The following NCKAP5 variants were observed in gnomAD, a reference collection of about 807,000 sequenced individuals.
NCKAP5 encodes the protein nck-associated protein 5.
NCKAP5 carries 92 observed loss-of-function variants against 167.0 expected under a neutral mutation model. That is an observed-to-expected ratio of 0.55 (90% CI 0.47 to 0.66). The LOEUF (loss-of-function observed/expected upper bound fraction) is 0.66. NCKAP5 is among the 30% of genes least tolerant of loss of function. NCKAP5 has a pLI of 0.00. For synonymous variants in NCKAP5, 891 were observed against 877.4 expected (o/e 1.02, Z -0.27); for missense variants, 2,378 against 2,315.0 (o/e 1.03, Z -0.56).
Position 133,156,801 on chromosome 2 carries a change from G to A in NCKAP5, c.208-26690C>T, listed in dbSNP as rs76207330. 1.1e-3 allele frequency among the ~76,000 whole-genome samples: 161 copies of A among 152,146 alleles called. 1 individual carries two copies. Among genetic ancestry groups the A allele is most frequent in the African/African-American group, 3.8e-3 (158 of 41,516 alleles). On this transcript the variant is annotated intron_variant, in intron 5 of 19. Coordinates refer to ENST00000409261, the MANE Select transcript of NCKAP5 (RefSeq NM_207363.3). ...TCTTATATCTTAAATCTCTGATCAT[G>A]ACTTTGTCTCTATTTAACAGCTTCT...
At chr2:133,418,074 C>A (rs1168225899) in intron 3 of NCKAP5, among the ~76,000 whole-genome samples, 4 of 152,210 alleles carry the variant, frequency 2.6e-5, no homozygotes, top group Non-Finnish European at 5.9e-5. Flanking sequence ...TTGAGACCCA[C>A]TTCACTTAAA....
intron 6 of NCKAP5, among the ~76,000 whole-genome samples, chr2:133,045,601 A>G (rs1462541647): frequency 2.6e-5 from 4 of 152,186 alleles, no homozygotes; most frequent in Non-Finnish European, 5.9e-5. Context: ...GGGATGCCTG[A>G]AATAGTGAAT....
intron 3 of NCKAP5, among the ~76,000 whole-genome samples, chr2:133,320,278 T>C (rs1681936647): frequency 6.6e-6 from 1 of 152,198 alleles, no homozygotes; most frequent in Admixed American, 6.5e-5. Context: ...GCTCAGTCCC[T>C]TCCTGCCCCA....
At chr2:133,471,945 A>G (rs952550637) in intron 3 of NCKAP5, among the ~76,000 whole-genome samples, 1 of 152,112 alleles carries the variant, frequency 6.6e-6, no homozygotes, top group East Asian at 1.9e-4. Context: ...ACTTTTATTT[A>G]TTTTTCTTTT....
At chr2:132,954,556 G>A in intron 8 of NCKAP5, 3 of 428,586 alleles carry the variant, frequency 7.0e-6, no homozygotes, top group South Asian at 5.1e-5. Flanking sequence ...CAACAGTGAG[G>A]ATTAAATAAA....
chr2:133,629,658 T>C, the NCKAP5 span, among the ~76,000 whole-genome samples: 1 of 152,188 alleles, frequency 6.6e-6, no homozygotes, highest in Non-Finnish European at 1.5e-5. Context: ...TAAATCATTG[T>C]ATCACAAAGA....
chr2:133,156,425 T>C (rs545162069), intron 5 of NCKAP5, among the ~76,000 whole-genome samples: 2 of 152,300 alleles, frequency 1.3e-5, no homozygotes, highest in South Asian at 4.1e-4. Flanking sequence ...TAACACAGCA[T>C]GTTCCAGGCA....
At chr2:133,652,377 A>G in the NCKAP5 span, among the ~76,000 whole-genome samples, 1 of 152,232 alleles carries the variant, frequency 6.6e-6, no homozygotes, top group Non-Finnish European at 1.5e-5. Flanking sequence ...CTCATAAACA[A>G]TTTCCCACTG....
intron 2 of NCKAP5, among the ~76,000 whole-genome samples, chr2:133,548,795 C>G (rs1252366397): frequency 6.6e-6 from 1 of 152,140 alleles, no homozygotes; most frequent in Non-Finnish European, 1.5e-5. Flanking sequence ...TAAAGACCAT[C>G]GAGACTAGGA....
At chr2:132,932,068 C>A (rs115607441) in intron 8 of NCKAP5, among the ~76,000 whole-genome samples, 5 of 152,180 alleles carry the variant, frequency 3.3e-5, no homozygotes, top group Non-Finnish European at 7.3e-5. Context: ...CCACTCAGGG[C>A]GCTCCTCACT....
chr2:133,453,632 T>C (rs541256734), intron 3 of NCKAP5, among the ~76,000 whole-genome samples: 51 of 152,218 alleles, frequency 3.4e-4, no homozygotes, highest in African/African-American at 1.2e-3. Flanking sequence ...TTTATGCAAA[T>C]TGTGTAATTC....
chr2:132,901,680 T>G (rs1389940406), intron 8 of NCKAP5, among the ~76,000 whole-genome samples: 1 of 152,244 alleles, frequency 6.6e-6, no homozygotes, highest in Non-Finnish European at 1.5e-5. Context: ...GCTCTTCATA[T>G]TTTAATGTCC....
At chr2:133,399,439 C>T (rs1489664787) in intron 3 of NCKAP5, among the ~76,000 whole-genome samples, 13 of 151,254 alleles carry the variant, frequency 8.6e-5, no homozygotes, top group Non-Finnish European at 1.3e-4. Flanking sequence ...GGAGGAAGGC[C>T]GGGAGGCAGT....
intron 4 of NCKAP5, among the ~76,000 whole-genome samples, chr2:133,281,460 G>A (rs986454842): frequency 6.6e-5 from 10 of 151,914 alleles, no homozygotes; most frequent in African/African-American, 2.2e-4. Flanking sequence ...TAATTAAACC[G>A]TTAAAAATAT....
At chr2:133,147,104 C>T (rs1324756196) in intron 5 of NCKAP5, among the ~76,000 whole-genome samples, 1 of 152,156 alleles carries the variant, frequency 6.6e-6, no homozygotes, top group East Asian at 1.9e-4. Context: ...TATGCAATAG[C>T]TCAAAATTGC....
chr2:132,847,496 A>G (rs572255787), intron 11 of NCKAP5, among the ~76,000 whole-genome samples: 1 of 152,294 alleles, frequency 6.6e-6, no homozygotes, highest in East Asian at 1.9e-4. Context: ...CCTTTTCTAT[A>G]TATATTGTTT....
intron 3 of NCKAP5, among the ~76,000 whole-genome samples, chr2:133,512,267 T>C (rs968542740): frequency 6.6e-6 from 1 of 152,218 alleles, no homozygotes; most frequent in Non-Finnish European, 1.5e-5. Flanking sequence ...TTCTTCCTAC[T>C]GGGGTATATG....
At chr2:133,260,965 A>G (rs1396074739) in intron 4 of NCKAP5, among the ~76,000 whole-genome samples, 1 of 152,220 alleles carries the variant, frequency 6.6e-6, no homozygotes, top group South Asian at 2.1e-4. Flanking sequence ...GGTAGTTTAC[A>G]TCTCATTAAT....
intron 2 of NCKAP5, among the ~76,000 whole-genome samples, chr2:133,535,616 A>AAT (rs56163750): frequency 0.28 from 41,838 of 151,836 alleles, 6,262 homozygotes; most frequent in East Asian, 0.37. Context: ...TGCCAAAATA[A>AAT]ATATGATATA....
Sources: allele counts gnomAD v4.1 joint callset (sites outside exome capture counted in the v4.1 genomes callset), GRCh38; gene constraint gnomAD v4.1.1; transcripts MANE v1.5; gene names NCBI Gene and HGNC (gene_info 2026-07-23, HGNC 2026-07-21).